FER: variants seen among roughly 807,000 people sequenced by gnomAD.
The protein encoded by FER is tyrosine-protein kinase Fer.
A neutral mutation model predicts 111.0 loss-of-function variants in FER; 63 were observed. The observed-to-expected ratio is 0.57, with a 90% confidence interval of 0.46 to 0.70. The LOEUF (loss-of-function observed/expected upper bound fraction) is 0.70. Among genes scored for constraint, FER ranks in the 30% least tolerant of loss-of-function variants. The probability of loss-of-function intolerance (pLI) is 0.00; values close to 1 mark genes in which losing one functional copy is unlikely to be tolerated. For missense variants in FER, 914 were observed against 954.0 expected, an observed-to-expected ratio of 0.96 and a Z score of 0.55; for synonymous variants, 327 against 313.9, an observed-to-expected ratio of 1.04 and a Z score of -0.44.
intron 17 of FER, among the ~76,000 whole-genome samples, chr5:109,141,722 C>G (rs1753542188): frequency 6.6e-6 from 1 of 152,192 alleles, no homozygotes; most frequent in Non-Finnish European, 1.5e-5. Flanking sequence ...GTCATCACTT[C>G]TGCTCAAATT....
At chr5:109,144,990 T>C (rs973422985) in intron 17 of FER, among the ~76,000 whole-genome samples, 1 of 151,790 alleles carries the variant, frequency 6.6e-6, no homozygotes, top group African/African-American at 2.4e-5. Flanking sequence ...TCTCTGTTTT[T>C]CAAGGTCAAA....
At position 109,052,631 on chromosome 5, in the gene FER, A is replaced by T. The variant is rs142612384; in HGVS notation, c.1924+5433A>T. Reference sequence around the variant, plus strand: ...TCCTCACACCTTCCCCCAATGAAAGAAAAGTGCTGATACCTCGTAAAAGCT... The same window carrying T: ...TCCTCACACCTTCCCCCAATGAAAGTAAAGTGCTGATACCTCGTAAAAGCT... On this transcript the variant is annotated intron_variant, in intron 16 of 19. Coordinates refer to ENST00000281092, the MANE Select transcript of FER (RefSeq NM_005246.4). Among the ~76,000 whole-genome samples, 15 of 152,340 alleles carry T rather than the reference A, an allele frequency of 9.8e-5. No individual in the cohort carries two copies. The East Asian group carries it at 2.9e-3, about 29-fold the overall frequency.
chr5:108,807,613 A>G (rs972582333), intron 3 of FER, among the ~76,000 whole-genome samples: 15 of 152,110 alleles, frequency 9.9e-5, no homozygotes, highest in Non-Finnish European at 1.5e-4. Flanking sequence ...TTGGATATCA[A>G]TTTCATTCAG....
At chr5:109,167,618 C>T (rs1402001084) in intron 17 of FER, among the ~76,000 whole-genome samples, 3 of 152,110 alleles carry the variant, frequency 2.0e-5, no homozygotes, top group Non-Finnish European at 4.4e-5. Context: ...AAATGTAGAC[C>T]CAAATTACTT....
chr5:108,977,736 C>T (rs997597388), intron 13 of FER, among the ~76,000 whole-genome samples: 4 of 152,182 alleles, frequency 2.6e-5, no homozygotes. Flanking sequence ...GTAACTTAAA[C>T]CTCATAATGG....
chr5:108,773,567 G>A (rs1204593795), intron 2 of FER, among the ~76,000 whole-genome samples: 2 of 151,978 alleles, frequency 1.3e-5, no homozygotes, highest in African/African-American at 4.8e-5. Flanking sequence ...TGGTATATAT[G>A]TACACTTTTT....
chr5:108,954,148 C>G (rs1308218705), intron 11 of FER, among the ~76,000 whole-genome samples: 2 of 152,008 alleles, frequency 1.3e-5, no homozygotes, highest in African/African-American at 2.4e-5. Context: ...AGGGCTTTAT[C>G]TACCATTGCT....
intron 18 of FER, among the ~76,000 whole-genome samples, chr5:109,181,510 A>G (rs1179110367): frequency 1.3e-5 from 2 of 152,214 alleles, no homozygotes; most frequent in Non-Finnish European, 2.9e-5. Flanking sequence ...TGACAACTCA[A>G]GAATTTAAGA....
chr5:108,767,639 G>A (rs998696323), intron 1 of FER, among the ~76,000 whole-genome samples: 2 of 151,998 alleles, frequency 1.3e-5, no homozygotes, highest in African/African-American at 2.4e-5. Context: ...TGTGTGCCAC[G>A]ATGCCTGACT....
intron 9 of FER, among the ~76,000 whole-genome samples, chr5:108,892,017 A>T (rs1748162390): frequency 6.6e-6 from 1 of 152,148 alleles, no homozygotes; most frequent in African/African-American, 2.4e-5. Flanking sequence ...ATGGCTGCAT[A>T]GTATTTCATG....
chr5:108,843,866 TA>T (rs1268560699), intron 5 of FER, among the ~76,000 whole-genome samples: 1 of 151,836 alleles, frequency 6.6e-6, no homozygotes, highest in Admixed American at 6.6e-5. Flanking sequence ...TTTACCTAAT[TA>T]AAAAAAATTT....
rs2071366734 is a variant in FER at position 109,188,755 on chromosome 5, T to C, written c.*1180T>C. 2 of 152,188 alleles carry C rather than the reference T, an allele frequency of 1.3e-5. No homozygotes were observed. The highest frequency in any genetic ancestry group is 2.9e-5 in the Non-Finnish European group (2 of 68,034). 9.4% of individuals were successfully genotyped at this position (152,188 alleles called of 1,614,324 possible). On this transcript the variant is annotated 3_prime_UTR_variant, in exon 20 of 20. Coordinates refer to ENST00000281092, the MANE Select transcript of FER (RefSeq NM_005246.4). Reference sequence around the variant, plus strand: ...TGGCAACAAAAATTTTGAGAGAAACTGCAAAGCACAAATCCACAGAAATAA... The same window carrying C: ...TGGCAACAAAAATTTTGAGAGAAACCGCAAAGCACAAATCCACAGAAATAA...
chr5:108,774,607 G>A (rs1753284889), intron 2 of FER, among the ~76,000 whole-genome samples: 1 of 152,164 alleles, frequency 6.6e-6, no homozygotes, highest in Admixed American at 6.5e-5. Context: ...TGATTGGCAT[G>A]AGAGGTTATC....
chr5:109,031,986 T>C (rs1465998616), intron 13 of FER, among the ~76,000 whole-genome samples: 1 of 152,182 alleles, frequency 6.6e-6, no homozygotes, highest in African/African-American at 2.4e-5. Flanking sequence ...CCATAACATA[T>C]GCAATGTATG....
chr5:108,783,750 C>T (rs1292267795), intron 2 of FER, among the ~76,000 whole-genome samples: 2 of 151,954 alleles, frequency 1.3e-5, no homozygotes, highest in African/African-American at 4.8e-5. Context: ...GCTGATGCTG[C>T]CTGAGGGAGT....
chr5:109,032,329 A>C (rs550880137), intron 13 of FER, among the ~76,000 whole-genome samples: 9 of 152,094 alleles, frequency 5.9e-5, no homozygotes, highest in African/African-American at 2.2e-4. Context: ...TTCTTGCCCA[A>C]CTCCTACCCT....
intron 5 of FER, among the ~76,000 whole-genome samples, chr5:108,844,611 G>C (rs544335104): frequency 6.6e-6 from 1 of 152,072 alleles, no homozygotes; most frequent in African/African-American, 2.4e-5. Flanking sequence ...TTTCACCCCT[G>C]AAAAATTCCT....
At chr5:108,945,147 CT>C (rs1488269925) in intron 10 of FER, among the ~76,000 whole-genome samples, 2 of 152,120 alleles carry the variant, frequency 1.3e-5, no homozygotes, top group Non-Finnish European at 2.9e-5. Context: ...GACCTACTTA[CT>C]TGTTTTCCAG....
At chr5:109,097,409 T>C (rs1026357046) in intron 16 of FER, among the ~76,000 whole-genome samples, 1 of 152,098 alleles carries the variant, frequency 6.6e-6, no homozygotes, top group East Asian at 1.9e-4. Context: ...GTGTGAGTTA[T>C]CTTTTTTTTG....
Sources: allele counts gnomAD v4.1 joint callset (sites outside exome capture counted in the v4.1 genomes callset), GRCh38; gene constraint gnomAD v4.1.1; transcripts MANE v1.5; gene names NCBI Gene and HGNC (gene_info 2026-07-23, HGNC 2026-07-21).